SEMA5A: variants seen among roughly 807,000 people sequenced by gnomAD.
SEMA5A encodes the protein semaphorin-5A.
Under a neutral mutation model 135.5 loss-of-function variants are expected in SEMA5A, and 55 were observed. The ratio of observed to expected loss-of-function variants is 0.41; its 90% CI spans 0.33 to 0.51. The LOEUF is 0.51. Ranked by LOEUF, SEMA5A falls within the 20% of genes least tolerant of loss-of-function variation. SEMA5A has a pLI of 0.37. For synonymous variants in SEMA5A, 580 were observed against 546.5 expected, an observed-to-expected ratio of 1.06 and a Z score of -0.85; for missense variants, 1,290 against 1,419.9, an observed-to-expected ratio of 0.91 and a Z score of 1.47.
chr5:9,438,596 T>A (rs1487463996), intron 1 of SEMA5A, among the ~76,000 whole-genome samples: 1 of 152,222 alleles, frequency 6.6e-6, no homozygotes, highest in Non-Finnish European at 1.5e-5. Context: ...AATGTGTTCA[T>A]CACCAGTGAA....
chr5:9,353,893 C>T (rs765046), intron 3 of SEMA5A, among the ~76,000 whole-genome samples: 1 of 151,878 alleles, frequency 6.6e-6, no homozygotes, highest in Non-Finnish European at 1.5e-5. Flanking sequence ...ACTGGCCTCA[C>T]CCCCAGGCTT....
chr5:9,221,523 C>A (rs4702615), intron 8 of SEMA5A, among the ~76,000 whole-genome samples: 8 of 150,872 alleles, frequency 5.3e-5, no homozygotes, highest in South Asian at 2.1e-4. Context: ...AGGATGGTCT[C>A]GATCTCCTGA....
At chr5:9,187,269 A>G (rs1389259583) in intron 11 of SEMA5A, among the ~76,000 whole-genome samples, 1 of 152,202 alleles carries the variant, frequency 6.6e-6, no homozygotes, top group African/African-American at 2.4e-5. Context: ...AAAAAAGACT[A>G]TATCTCCTTC....
At chr5:9,131,010 A>G (rs1485445270) in intron 13 of SEMA5A, among the ~76,000 whole-genome samples, 2 of 152,164 alleles carry the variant, frequency 1.3e-5, no homozygotes, top group African/African-American at 2.4e-5. Flanking sequence ...GACCCTAACT[A>G]CATAATGGCA....
intron 1 of SEMA5A, among the ~76,000 whole-genome samples, chr5:9,481,006 C>T (rs1408645404): frequency 6.6e-6 from 1 of 152,056 alleles, no homozygotes; most frequent in Non-Finnish European, 1.5e-5. Context: ...AGTGCAGTGG[C>T]ATGATCTTGG....
rs576219955 is a variant in SEMA5A, at chr5:9,377,444, C to T, written c.124+2379G>A. ...ATAGTAACTGGGTCTTGGGTTGGTG[C>T]CATAACCACGCAGAAAGAAATTATT... On this transcript the variant is annotated intron_variant, in intron 3 of 22. Transcript: ENST00000382496. Among the ~76,000 whole-genome samples the T allele has an allele frequency of 5.3e-5, 8 of 152,044 alleles. No individual in the cohort carries two copies. In the South Asian group the frequency reaches 6.2e-4, roughly 12 times the overall value.
At chr5:9,459,476 G>T (rs1184115923) in intron 1 of SEMA5A, among the ~76,000 whole-genome samples, 2 of 152,174 alleles carry the variant, frequency 1.3e-5, no homozygotes. Flanking sequence ...AAAGCCTCCA[G>T]CAAGAAAATG....
chr5:9,524,853 G>A (rs1397347213), intron 1 of SEMA5A, among the ~76,000 whole-genome samples: 6 of 152,024 alleles, frequency 3.9e-5, no homozygotes, highest in African/African-American at 1.2e-4. Flanking sequence ...TTTGAGTGAG[G>A]GTCCTGCCTC....
At chr5:9,353,934 C>T (rs548246005) in intron 3 of SEMA5A, among the ~76,000 whole-genome samples, 29 of 149,940 alleles carry the variant, frequency 1.9e-4, no homozygotes, top group African/African-American at 5.7e-4. Context: ...AAGTCAAACA[C>T]CAAAGATGTT....
chr5:9,279,153 G>T (rs535383710), intron 5 of SEMA5A, among the ~76,000 whole-genome samples: 1 of 152,342 alleles, frequency 6.6e-6, no homozygotes, highest in African/African-American at 2.4e-5. Context: ...GGGCAGAGCT[G>T]CCAAAGGCCT....
intron 3 of SEMA5A, among the ~76,000 whole-genome samples, chr5:9,353,678 C>T (rs559665889): frequency 7.9e-5 from 12 of 152,200 alleles, no homozygotes; most frequent in East Asian, 5.8e-4. Context: ...TAATATCTTC[C>T]GGTGAAAATG....
At chr5:9,372,369 G>T (rs114485992) in intron 3 of SEMA5A, among the ~76,000 whole-genome samples, 1 of 150,852 alleles carries the variant, frequency 6.6e-6, no homozygotes, top group East Asian at 2.0e-4. Flanking sequence ...TGTGGGACAC[G>T]CGTGGAGCCA....
intron 15 of SEMA5A, among the ~76,000 whole-genome samples, chr5:9,109,747 G>A (rs937705151): frequency 2.0e-5 from 3 of 152,134 alleles, no homozygotes; most frequent in Admixed American, 6.5e-5. Context: ...ATTCACAGTC[G>A]AAAATAAACA....
At chr5:9,062,202 T>C (rs1417197492) in intron 18 of SEMA5A, among the ~76,000 whole-genome samples, 1 of 151,776 alleles carries the variant, frequency 6.6e-6, no homozygotes. Flanking sequence ...CCCAATGCAT[T>C]AGGGAGTGGG....
At chr5:9,201,167 G>A (rs915413930) in intron 9 of SEMA5A, among the ~76,000 whole-genome samples, 6 of 152,222 alleles carry the variant, frequency 3.9e-5, no homozygotes, top group African/African-American at 1.4e-4. Context: ...GTAGGAAAGT[G>A]ATGCTCAGAG....
intron 3 of SEMA5A, among the ~76,000 whole-genome samples, chr5:9,345,874 T>C (rs1178639633): frequency 2.0e-5 from 3 of 152,186 alleles, no homozygotes; most frequent in African/African-American, 7.2e-5. Flanking sequence ...TGTATATGTA[T>C]ACACATGTAT....
rs377741967 is a variant in SEMA5A, at chr5:9,108,230, A to G, written c.1983T>C (p.Pro661=). 1.2e-6 allele frequency: 2 copies of G among 1,614,070 alleles called. No individual in the cohort carries two copies. Among genetic ancestry groups the G allele is most frequent in the Non-Finnish European group, 1.7e-6 (2 of 1,180,040 alleles). ...CGCATTGGGCTGTGCACCGTTCCCA[A>G]GGACCCCAGCCTGTCCAGAACATGT... ...PPHMFWTGWG[P]WERCTAQCGG... is the part of the protein sequence containing the mutation. The change falls in exon 16 of 23, where the codon CCT becomes CCC. Residue 661 remains proline, a synonymous_variant. Coordinates refer to ENST00000382496, the MANE Select transcript of SEMA5A (RefSeq NM_003966.3).
chr5:9,227,166 T>G (rs1747360581), intron 6 of SEMA5A, among the ~76,000 whole-genome samples, 199 bp from the exon 7 acceptor site: 2 of 152,174 alleles, frequency 1.3e-5, no homozygotes, highest in South Asian at 4.1e-4. Context: ...ACAACAGAGC[T>G]ATTAAACAAT....
intron 3 of SEMA5A, among the ~76,000 whole-genome samples, chr5:9,356,486 G>GA (rs911256031): frequency 1.3e-5 from 2 of 151,750 alleles, no homozygotes; most frequent in Non-Finnish European, 2.9e-5. Context: ...AATCAAACCA[G>GA]AAAAAAAAGA....
Sources: gnomAD v4.1 joint callset for allele counts (sites outside exome capture counted in the v4.1 genomes callset) on GRCh38, gnomAD v4.1.1 for gene constraint, MANE v1.5 for transcripts, NCBI Gene and HGNC (gene_info 2026-07-23, HGNC 2026-07-21) for gene names.